Variants in GIPC2 observed in about 807,000 individuals in gnomAD.
GIPC2 encodes the protein PDZ domain-containing protein GIPC2.
Under a neutral mutation model 30.6 loss-of-function variants are expected in GIPC2, and 30 were observed. The ratio of observed to expected loss-of-function variants is 0.98; its 90% CI spans 0.73 to 1.33. The LOEUF (loss-of-function observed/expected upper bound fraction) is 1.33, where lower values mean the gene tolerates loss of function less well. Ranked by LOEUF, GIPC2 falls within the 40% of genes most tolerant of loss-of-function variation. GIPC2 has a pLI of 0.00. For synonymous variants in GIPC2, 167 were observed against 150.0 expected (o/e 1.11, Z -0.83); for missense variants, 414 against 390.3 (o/e 1.06, Z -0.51).
chr1:78,119,624 AG>A lies in GIPC2; in HGVS notation c.714+127del, dbSNP rs908244120. Reference sequence around the variant, plus strand: ...ATTTAAACAATCTGGAAATTACTGAAGGTATTTAAAAAGGAAATATAGAAAT... The same window carrying A: ...ATTTAAACAATCTGGAAATTACTGAAGTATTTAAAAAGGAAATATAGAAAT... On this transcript the variant is annotated intron_variant, in intron 4 of 5. Coordinates refer to ENST00000370759, the MANE Select transcript of GIPC2 (RefSeq NM_017655.6). The A allele has an allele frequency of 6.5e-6, 4 of 613,266 alleles. No individual in the cohort carries two copies. In the African/African-American group the frequency reaches 7.4e-5, roughly 11 times the overall value. The allele number at this position is 613,266 out of a possible 1,614,324, so 38.0% of individuals were successfully genotyped here.
chr1:78,067,303 A>ATTACC (rs759004314), intron 1 of GIPC2, among the ~76,000 whole-genome samples: 2 of 152,116 alleles, frequency 1.3e-5, no homozygotes, highest in Non-Finnish European at 2.9e-5. Context: ...TGTACAATGA[A>ATTACC]TTACCTTATA....
At chr1:78,127,633 C>T (rs1662805827) in intron 5 of GIPC2, among the ~76,000 whole-genome samples, 1 of 152,148 alleles carries the variant, frequency 6.6e-6, no homozygotes, top group African/African-American at 2.4e-5. Flanking sequence ...CAATCACCTC[C>T]TATAAATTTT....
At chr1:78,110,267 G>T (rs1178350894) in intron 3 of GIPC2, among the ~76,000 whole-genome samples, 2 of 152,080 alleles carry the variant, frequency 1.3e-5, no homozygotes, top group Non-Finnish European at 2.9e-5. Flanking sequence ...ATCTGAAAAT[G>T]GGGGCAGAAA....
intron 1 of GIPC2, among the ~76,000 whole-genome samples, chr1:78,062,247 A>G (rs1661407963): frequency 6.6e-6 from 1 of 152,184 alleles, no homozygotes; most frequent in African/African-American, 2.4e-5. Flanking sequence ...TGGCGTTAAC[A>G]CTATGTCCCT....
At chr1:78,082,882 A>T (rs1007474391) in intron 2 of GIPC2, among the ~76,000 whole-genome samples, 1 of 152,190 alleles carries the variant, frequency 6.6e-6, no homozygotes, top group African/African-American at 2.4e-5. Context: ...TAAATCATTT[A>T]TCCAAATCTC....
intron 3 of GIPC2, among the ~76,000 whole-genome samples, chr1:78,108,001 A>G (rs1662393085): frequency 6.6e-6 from 1 of 152,146 alleles, no homozygotes; most frequent in East Asian, 1.9e-4. Context: ...TCAACTCTTT[A>G]CATTTGCAGG....
chr1:78,053,949 C>T (rs1661243124), intron 1 of GIPC2, among the ~76,000 whole-genome samples: 2 of 151,854 alleles, frequency 1.3e-5, no homozygotes, highest in South Asian at 4.2e-4. Context: ...CTGCAAGGGG[C>T]TCCTCATTAC....
At chr1:78,085,176 T>A (rs1661904133) in intron 2 of GIPC2, among the ~76,000 whole-genome samples, 1 of 152,244 alleles carries the variant, frequency 6.6e-6, no homozygotes, top group African/African-American at 2.4e-5. Context: ...TTTCTGCATC[T>A]ATTGAGATAA....
chr1:78,089,780 C>T (rs1662003159), intron 2 of GIPC2, among the ~76,000 whole-genome samples: 1 of 152,104 alleles, frequency 6.6e-6, no homozygotes, highest in African/African-American at 2.4e-5. Flanking sequence ...TATAACAAAA[C>T]CTGTATATAG....
chr1:78,097,131 G>A (rs1662152165), intron 3 of GIPC2, among the ~76,000 whole-genome samples: 1 of 152,180 alleles, frequency 6.6e-6, no homozygotes, highest in African/African-American at 2.4e-5. Flanking sequence ...GCATATATCA[G>A]GGGGTACTTG....
intron 4 of GIPC2, among the ~76,000 whole-genome samples, chr1:78,121,438 A>G (rs1434128381): frequency 6.6e-6 from 1 of 152,212 alleles, no homozygotes; most frequent in African/African-American, 2.4e-5. Flanking sequence ...GCTGTTTCAC[A>G]GAGTGGGATC....
At chr1:78,091,584 T>C (rs1291858717) in intron 2 of GIPC2, 1 of 760,368 alleles carries the variant, frequency 1.3e-6, no homozygotes, top group South Asian at 1.4e-5. Flanking sequence ...GCCAAGTCCT[T>C]CGCGATCTTC....
chr1:78,130,670 C>T (rs1662877127), intron 5 of GIPC2, among the ~76,000 whole-genome samples: 2 of 152,156 alleles, frequency 1.3e-5, no homozygotes, highest in South Asian at 4.2e-4. Flanking sequence ...ATCTTCAAAC[C>T]CTGCTATTTG....
rs562173487 is a variant in GIPC2, at chr1:78,126,875, C to G, written c.796+913C>G. On this transcript the variant is annotated intron_variant, in intron 5 of 5. Coordinates refer to ENST00000370759, the MANE Select transcript of GIPC2 (RefSeq NM_017655.6). ...GTTGGTCTGATTGGCTCAAGTGAGC[C>G]AGTCACTGAGGCCAAGAGGATGGTA... Among the ~76,000 whole-genome samples, 44 of 152,234 alleles carry G rather than the reference C, an allele frequency of 2.9e-4. No individual in the cohort carries two copies. The South Asian group carries it at 7.7e-3, about 27-fold the overall frequency.
upstream of GIPC2, chr1:78,045,912 C>T (rs1435468629): frequency 6.0e-6 from 8 of 1,341,216 alleles, no homozygotes; most frequent in East Asian, 1.6e-4. Flanking sequence ...GCTGGGCGGG[C>T]GGGCGGCTGC....
At chr1:78,133,015 A>T (rs565826724) in intron 5 of GIPC2, among the ~76,000 whole-genome samples, 119 of 152,340 alleles carry the variant, frequency 7.8e-4, no homozygotes, top group African/African-American at 2.8e-3. Context: ...TCACCTTAAC[A>T]TTCTGGCTAC....
At chr1:78,121,252 G>T (rs1347198480) in intron 4 of GIPC2, among the ~76,000 whole-genome samples, 1 of 152,160 alleles carries the variant, frequency 6.6e-6, no homozygotes, top group Admixed American at 6.5e-5. Context: ...AGCAGCAAAG[G>T]CATGGGGGTC....
Position 78,072,653 on chromosome 1 carries a change from A to AT in GIPC2, c.241-8016dup, listed in dbSNP as rs372218557. Among the ~76,000 whole-genome samples, 270 of 152,176 alleles carry AT rather than the reference A, an allele frequency of 1.8e-3. 4 individuals carry two copies. The Middle Eastern group carries it at 0.02, about 12-fold the overall frequency. On this transcript the variant is annotated intron_variant, in intron 1 of 5. Transcript: ENST00000370759. ...TTTAGATGGAGGTCAAATAATTATT[A>AT]TTTTTTCTCTTTGAAGAAAAGTCTT...
chr1:78,070,457 G>T (rs1414712085), intron 1 of GIPC2, among the ~76,000 whole-genome samples: 1 of 152,088 alleles, frequency 6.6e-6, no homozygotes, highest in Admixed American at 6.5e-5. Flanking sequence ...ATGCAATGTT[G>T]CAGCATTATT....
Sources: allele counts gnomAD v4.1 joint callset (sites outside exome capture counted in the v4.1 genomes callset), GRCh38; gene constraint gnomAD v4.1.1; transcripts MANE v1.5; gene names NCBI Gene and HGNC (gene_info 2026-07-23, HGNC 2026-07-21).